ACYP2: variants seen among roughly 807,000 people sequenced by gnomAD.
The protein encoded by ACYP2 is acylphosphatase 2, also known as acylphosphatase-2.
In ACYP2, 12 loss-of-function variants were observed where a neutral mutation model predicts 11.2. That is an observed-to-expected ratio of 1.08 (90% CI 0.69 to 1.74). The LOEUF (loss-of-function observed/expected upper bound fraction) is 1.74, where lower values mean the gene tolerates loss of function less well. ACYP2 is among the 40% of genes most tolerant of loss of function. The pLI, the probability that ACYP2 is intolerant of heterozygous loss-of-function variation, is 0.00. For missense variants in ACYP2, 134 were observed against 101.9 expected (o/e 1.31, Z -1.35); for synonymous variants, 43 against 32.2 (o/e 1.33, Z -1.13).
At chr2:54,101,630 C>A (rs573274513) in intron 4 of ACYP2, among the ~76,000 whole-genome samples, 3 of 146,908 alleles carry the variant, frequency 2.0e-5, no homozygotes, top group Non-Finnish European at 4.4e-5. Context: ...GCCAAGATTG[C>A]GCCATTGCAA....
intron 2 of ACYP2, among the ~76,000 whole-genome samples, chr2:53,974,031 C>T (rs992095583): frequency 2.0e-5 from 3 of 150,272 alleles, no homozygotes; most frequent in Non-Finnish European, 4.4e-5. Context: ...CTCAGCGCCT[C>T]GAGTAGCTGG....
At chr2:54,117,489 G>T (rs1303998167) in intron 4 of ACYP2, among the ~76,000 whole-genome samples, 1 of 152,068 alleles carries the variant, frequency 6.6e-6, no homozygotes, top group Non-Finnish European at 1.5e-5. Flanking sequence ...TAGAGAAAGG[G>T]TCTCTGTTGC....
intron 4 of ACYP2, among the ~76,000 whole-genome samples, chr2:54,083,425 T>C (rs988844104): frequency 1.1e-4 from 17 of 152,314 alleles, no homozygotes; most frequent in Admixed American, 3.3e-4. Context: ...CTGTGAGCCG[T>C]AAAGACTTTA....
chr2:54,073,048 A>G (rs927213636), intron 4 of ACYP2, among the ~76,000 whole-genome samples: 9 of 152,242 alleles, frequency 5.9e-5, no homozygotes, highest in Non-Finnish European at 1.2e-4. Flanking sequence ...ACTTATGATC[A>G]GTAGACTAGA....
chr2:54,058,709 A>AT (rs58430648), intron 4 of ACYP2, among the ~76,000 whole-genome samples: 34,876 of 135,154 alleles, frequency 0.26, 5,294 homozygotes, highest in East Asian at 0.63. Flanking sequence ...CTGGCTGATA[A>AT]TTTTTTTTTT....
chr2:54,235,755 G>T (rs906183709), intron 6 of ACYP2, among the ~76,000 whole-genome samples: 1 of 152,238 alleles, frequency 6.6e-6, no homozygotes, highest in African/African-American at 2.4e-5. Context: ...TTTATAAAAG[G>T]TATGTTTTCT....
At chr2:54,168,350 C>A (rs896809669) in intron 6 of ACYP2, among the ~76,000 whole-genome samples, 1 of 152,074 alleles carries the variant, frequency 6.6e-6, no homozygotes, top group Non-Finnish European at 1.5e-5. Context: ...TCACTGAAAC[C>A]GGGAAGCAGA....
chr2:54,200,092 C>T (rs766558075), intron 6 of ACYP2, among the ~76,000 whole-genome samples: 4 of 152,284 alleles, frequency 2.6e-5, no homozygotes, highest in Non-Finnish European at 5.9e-5. Flanking sequence ...TTTGCTCATT[C>T]ACATGAAAAG....
chr2:54,085,254 T>C (rs1294083239), intron 4 of ACYP2, among the ~76,000 whole-genome samples: 5 of 152,170 alleles, frequency 3.3e-5, no homozygotes, highest in Non-Finnish European at 7.3e-5. Context: ...CACATTTAGT[T>C]CACTGGCGGG....
chr2:54,076,683 G>C (rs1387482654), intron 4 of ACYP2, among the ~76,000 whole-genome samples: 1 of 152,188 alleles, frequency 6.6e-6, no homozygotes, highest in Non-Finnish European at 1.5e-5. Context: ...AAGGAATTTT[G>C]AAGAACTCAT....
At chr2:54,276,661 A>C (rs868430574) in intron 6 of ACYP2, among the ~76,000 whole-genome samples, 148 of 134,318 alleles carry the variant, frequency 1.1e-3, no homozygotes, top group East Asian at 5.3e-3. Context: ...ACACACACAC[A>C]CCACACACAA....
chr2:54,004,187 A>T (rs1272027923), intron 2 of ACYP2, among the ~76,000 whole-genome samples: 2 of 151,758 alleles, frequency 1.3e-5, no homozygotes, highest in African/African-American at 4.8e-5. Flanking sequence ...GGCTTTCACC[A>T]TGTTGGCCAG....
chr2:53,990,485 C>G (rs1314497356), intron 2 of ACYP2, among the ~76,000 whole-genome samples: 1 of 151,064 alleles, frequency 6.6e-6, no homozygotes, highest in East Asian at 2.0e-4. Context: ...CCCAAATATA[C>G]TAAATATACA....
intron 6 of ACYP2, among the ~76,000 whole-genome samples, chr2:54,196,991 C>T (rs1339483331): frequency 1.3e-5 from 2 of 152,196 alleles, no homozygotes. Flanking sequence ...ATCCTCATAG[C>T]ACAACACTGA....
At chr2:54,295,105 C>G (rs1452594633) in intron 6 of ACYP2, among the ~76,000 whole-genome samples, 6 of 152,070 alleles carry the variant, frequency 3.9e-5, no homozygotes, top group Admixed American at 3.9e-4. Context: ...ATGGACTTGG[C>G]CCTCCTGTGG....
At chr2:54,183,133 TA>T (rs1304661600) in intron 6 of ACYP2, among the ~76,000 whole-genome samples, 1 of 152,226 alleles carries the variant, frequency 6.6e-6, no homozygotes, top group Non-Finnish European at 1.5e-5. Flanking sequence ...CCTTGATAAC[TA>T]AACCTTTCAT....
chr2:54,105,286 C>T (rs1320658415), intron 4 of ACYP2, among the ~76,000 whole-genome samples: 1 of 152,114 alleles, frequency 6.6e-6, no homozygotes, highest in Admixed American at 6.5e-5. Flanking sequence ...AGCAGCCACA[C>T]TGGGCTTCTT....
At chr2:54,037,965 A>G (rs1042270220) in intron 2 of ACYP2, among the ~76,000 whole-genome samples, 5 of 152,224 alleles carry the variant, frequency 3.3e-5, no homozygotes, top group African/African-American at 1.2e-4. Context: ...ATTGGAATAA[A>G]TATTTCCCCA....
intron 2 of ACYP2, among the ~76,000 whole-genome samples, chr2:53,988,996 C>T (rs948604896): frequency 2.0e-5 from 3 of 151,832 alleles, no homozygotes; most frequent in African/African-American, 4.8e-5. Context: ...TGAACTTCTG[C>T]CTCGGCCTCC....
Sources: gnomAD v4.1 joint callset for allele counts (sites outside exome capture counted in the v4.1 genomes callset) on GRCh38, gnomAD v4.1.1 for gene constraint, MANE v1.5 for transcripts, NCBI Gene and HGNC (gene_info 2026-07-23, HGNC 2026-07-21) for gene names.